Variants in ZFPM2 observed in about 807,000 individuals in gnomAD.
ZFPM2 encodes the protein zinc finger protein ZFPM2.
Under a neutral mutation model 98.6 loss-of-function variants are expected in ZFPM2, and 20 were observed. The observed-to-expected ratio is 0.20, with a 90% CI of 0.14 to 0.29. ZFPM2 has a LOEUF of 0.29. Among genes scored for constraint, ZFPM2 ranks in the 10% least tolerant of loss-of-function variants. The pLI is 1.00. For missense variants in ZFPM2, 1,310 were observed against 1,388.6 expected, an observed-to-expected ratio of 0.94 and a Z score of 0.90; for synonymous variants, 518 against 502.7, an observed-to-expected ratio of 1.03 and a Z score of -0.41.
chr8:105,588,352 T>G (rs1339918651), intron 4 of ZFPM2, among the ~76,000 whole-genome samples: 1 of 152,048 alleles, frequency 6.6e-6, no homozygotes, highest in Non-Finnish European at 1.5e-5. Context: ...CTATGGGAAA[T>G]GTAGAGCAAA....
At chr8:105,734,726 C>G (rs905013641) in intron 5 of ZFPM2, among the ~76,000 whole-genome samples, 2 of 151,850 alleles carry the variant, frequency 1.3e-5, no homozygotes, top group African/African-American at 4.8e-5. Context: ...CATGTTGAGC[C>G]TCCTATTCCA....
chr8:105,476,117 G>A (rs1179174732), intron 3 of ZFPM2, among the ~76,000 whole-genome samples: 2 of 152,142 alleles, frequency 1.3e-5, no homozygotes, highest in Admixed American at 6.5e-5. Context: ...ATTTGGTAGT[G>A]CAAATATGAC....
At chr8:105,703,268 A>C (rs748901490) in intron 5 of ZFPM2, among the ~76,000 whole-genome samples, 1 of 152,182 alleles carries the variant, frequency 6.6e-6, no homozygotes, top group Admixed American at 6.5e-5. Context: ...TTGGCACTGC[A>C]CTTAGTGCTA....
intron 1 of ZFPM2, among the ~76,000 whole-genome samples, chr8:105,336,337 C>T (rs1812324925): frequency 6.6e-6 from 1 of 151,660 alleles, no homozygotes; most frequent in Admixed American, 6.6e-5. Context: ...CAGGTATGCA[C>T]TGATAAACTT....
In ZFPM2 at chr8:105,715,366, A is replaced by G. The variant is rs139542520; in HGVS notation, c.533-73352A>G. 4.2e-4 allele frequency among the ~76,000 whole-genome samples: 63 copies of G among 151,240 alleles called. 1 individual carries two copies. In the East Asian group the frequency reaches 9.0e-3, roughly 22 times the overall value. On this transcript the variant is annotated intron_variant, in intron 5 of 7. Coordinates refer to ENST00000407775, the MANE Select transcript of ZFPM2 (RefSeq NM_012082.4). ...AGAGAGCTGCGATTGTCCCACAACAATGTACCAGCAGCCTGGGCTATAGAG... is the reference window on the plus strand; with the variant it reads ...AGAGAGCTGCGATTGTCCCACAACAGTGTACCAGCAGCCTGGGCTATAGAG...
chr8:105,743,219 A>G (rs1812262509), intron 5 of ZFPM2, among the ~76,000 whole-genome samples: 2 of 151,996 alleles, frequency 1.3e-5, no homozygotes, highest in South Asian at 4.2e-4. Context: ...GCATAGAGGA[A>G]GGTGAAGATA....
intron 4 of ZFPM2, among the ~76,000 whole-genome samples, chr8:105,607,413 TA>T (rs1816217769): frequency 6.6e-6 from 1 of 152,126 alleles, no homozygotes; most frequent in Non-Finnish European, 1.5e-5. Context: ...AGGACCTTGC[TA>T]TCTCCGATGA....
At chr8:105,616,176 C>A (rs1254867652) in intron 4 of ZFPM2, among the ~76,000 whole-genome samples, 1 of 151,824 alleles carries the variant, frequency 6.6e-6, no homozygotes, top group African/African-American at 2.4e-5. Context: ...CAAACGAATT[C>A]CCAAATGCCC....
At chr8:105,385,605 C>A (rs910578174) in intron 1 of ZFPM2, among the ~76,000 whole-genome samples, 1 of 152,128 alleles carries the variant, frequency 6.6e-6, no homozygotes, top group African/African-American at 2.4e-5. Context: ...TAGTGAAACA[C>A]CTTAAATCCT....
intron 5 of ZFPM2, among the ~76,000 whole-genome samples, chr8:105,783,535 C>T (rs544990309): frequency 2.0e-5 from 3 of 152,070 alleles, no homozygotes; most frequent in Non-Finnish European, 4.4e-5. Flanking sequence ...TTATGCTAAA[C>T]CTAAATCCTC....
intron 4 of ZFPM2, among the ~76,000 whole-genome samples, chr8:105,606,360 A>G (rs1459028752): frequency 2.0e-5 from 3 of 151,734 alleles, no homozygotes; most frequent in Non-Finnish European, 4.4e-5. Flanking sequence ...GTATTTCCAT[A>G]TCTTTTTTTC....
chr8:105,403,353 A>G (rs1403521914), intron 1 of ZFPM2, among the ~76,000 whole-genome samples: 3 of 151,848 alleles, frequency 2.0e-5, no homozygotes, highest in Non-Finnish European at 4.4e-5. Context: ...ATCTGTTGTT[A>G]TTATTTTCTG....
chr8:105,755,883 T>G (rs941008210), intron 5 of ZFPM2, among the ~76,000 whole-genome samples: 1 of 152,176 alleles, frequency 6.6e-6, no homozygotes, highest in African/African-American at 2.4e-5. Flanking sequence ...CTCTGGCTAT[T>G]AAGATATTGA....
chr8:105,404,021 ACAACAACAACAACAACAACAACAG>A (rs1398511347), intron 1 of ZFPM2, among the ~76,000 whole-genome samples: 3 of 151,576 alleles, frequency 2.0e-5, no homozygotes, highest in African/African-American at 7.3e-5. Flanking sequence ...AACAACAACA[ACAACAACAACAACAACAACAACAG>A]CAGCATAGAT....
intron 5 of ZFPM2, among the ~76,000 whole-genome samples, chr8:105,731,299 T>C (rs2131014612): frequency 6.6e-6 from 1 of 151,642 alleles, no homozygotes; most frequent in South Asian, 2.1e-4. Flanking sequence ...TGGATTTCCT[T>C]GTACCATACT....
At chr8:105,330,548 A>G (rs1420520297) in intron 1 of ZFPM2, among the ~76,000 whole-genome samples, 21 of 70,356 alleles carry the variant, frequency 3.0e-4, no homozygotes, top group South Asian at 2.1e-3. Context: ...CTATATATAT[A>G]TATACATATA....
chr8:105,442,186 A>G (rs113378934), intron 2 of ZFPM2, among the ~76,000 whole-genome samples: 25,707 of 151,034 alleles, frequency 0.17, 2,969 homozygotes, highest in Middle Eastern at 0.28. Context: ...ACAAAAAAAA[A>G]AAAAAAAATT....
intron 5 of ZFPM2, among the ~76,000 whole-genome samples, chr8:105,735,807 T>G (rs1387362471): frequency 6.6e-6 from 1 of 151,990 alleles, no homozygotes; most frequent in Non-Finnish European, 1.5e-5. Context: ...GTATATTATT[T>G]GATTCCAAAC....
intron 5 of ZFPM2, among the ~76,000 whole-genome samples, chr8:105,776,332 G>C (rs1024224509): frequency 3.3e-5 from 5 of 152,032 alleles, no homozygotes; most frequent in Admixed American, 3.3e-4. Context: ...TCTAAGTTCC[G>C]ATCAGACCTA....
Sources: gnomAD v4.1 joint callset for allele counts (sites outside exome capture counted in the v4.1 genomes callset) on GRCh38, gnomAD v4.1.1 for gene constraint, MANE v1.5 for transcripts, NCBI Gene and HGNC (gene_info 2026-07-23, HGNC 2026-07-21) for gene names.